Variants in TENM1 observed in about 807,000 individuals in gnomAD.
TENM1 encodes teneurin-1.
Under a neutral mutation model 174.8 loss-of-function variants are expected in TENM1, and 35 were observed. The observed-to-expected ratio is 0.20, with a 90% CI of 0.15 to 0.27. The LOEUF (loss-of-function observed/expected upper bound fraction) is 0.27. TENM1 is among the 10% of genes least tolerant of loss of function. TENM1 has a pLI of 1.00. For missense variants in TENM1, 1,633 were observed against 2,130.1 expected (o/e 0.77, Z 4.59); for synonymous variants, 781 against 798.7 (o/e 0.98, Z 0.37).
At chrX:124,767,724 G>T (rs1300316705) in intron 3 of TENM1, among the ~76,000 whole-genome samples, 1 of 111,119 alleles carries the variant, frequency 9.0e-6, no homozygotes, top group Non-Finnish European at 1.9e-5. Context: ...TAACCAAATT[G>T]CTGACATGAT....
the TENM1 span, among the ~76,000 whole-genome samples, chrX:125,004,781 A>G: frequency 8.9e-6 from 1 of 111,900 alleles, no homozygotes. Flanking sequence ...ATAGTTCTGT[A>G]TATAAAAAGA....
At chrX:124,975,082 A>C in the TENM1 span, among the ~76,000 whole-genome samples, 2 of 107,294 alleles carry the variant, frequency 1.9e-5, no homozygotes, top group Non-Finnish European at 3.8e-5. Context: ...TAATTTGCAA[A>C]TAATATACAG....
chrX:124,861,820 T>C (rs914588833), intron 3 of TENM1, among the ~76,000 whole-genome samples: 2 of 111,993 alleles, frequency 1.8e-5, no homozygotes, highest in African/African-American at 3.3e-5. Context: ...TATTTATTTA[T>C]TTATGGACAT....
At chrX:124,689,429 G>A (rs929818541) in intron 5 of TENM1, among the ~76,000 whole-genome samples, 1 of 111,705 alleles carries the variant, frequency 9.0e-6, no homozygotes, top group Admixed American at 9.5e-5. Flanking sequence ...ATAGAAGATC[G>A]TGTTGCCATT....
the TENM1 span, among the ~76,000 whole-genome samples, chrX:125,050,931 T>C: frequency 1.8e-5 from 2 of 112,132 alleles, no homozygotes; most frequent in African/African-American, 6.5e-5. Context: ...GATGACATGA[T>C]TGTATATTTA....
At chrX:124,589,095 G>GC (rs1556012580) in intron 11 of TENM1, among the ~76,000 whole-genome samples, 4 of 96,960 alleles carry the variant, frequency 4.1e-5, no homozygotes, top group Non-Finnish European at 8.2e-5. Context: ...TTTCTTGAGG[G>GC]TTTTTTTTTT....
chrX:124,571,303 G>T (rs1204074249), intron 11 of TENM1, among the ~76,000 whole-genome samples: 1 of 112,229 alleles, frequency 8.9e-6, no homozygotes, highest in East Asian at 2.8e-4. Context: ...GAGTAACAAT[G>T]AAATACTATT....
chrX:124,601,975 C>T (rs189036629), intron 11 of TENM1, among the ~76,000 whole-genome samples: 2 of 111,347 alleles, frequency 1.8e-5, no homozygotes, highest in East Asian at 5.7e-4. Context: ...ACTTAGTAAA[C>T]TTCTGAAGTG....
intron 7 of TENM1, among the ~76,000 whole-genome samples, chrX:124,653,220 G>A (rs1248974767): frequency 9.0e-6 from 1 of 111,450 alleles, no homozygotes; most frequent in Non-Finnish European, 1.9e-5. Flanking sequence ...ATTAATATGC[G>A]TTCCTTCATT....
intron 25 of TENM1, among the ~76,000 whole-genome samples, chrX:124,410,121 A>C (rs2147700252): frequency 9.0e-6 from 1 of 111,449 alleles, no homozygotes; most frequent in South Asian, 3.8e-4. Context: ...TTCAAACTAT[A>C]CTACAAGGCT....
At chrX:124,425,295 T>C (rs1308682994) in intron 23 of TENM1, among the ~76,000 whole-genome samples, 1 of 112,631 alleles carries the variant, frequency 8.9e-6, no homozygotes, top group African/African-American at 3.2e-5. Flanking sequence ...ATAATGGCTG[T>C]ACTAATTTAC....
chrX:124,859,287 G>A (rs2056867810), intron 3 of TENM1, among the ~76,000 whole-genome samples: 1 of 110,933 alleles, frequency 9.0e-6, no homozygotes, highest in African/African-American at 3.3e-5. Context: ...GCTCAAGCCT[G>A]TAATCCCAGC....
intron 11 of TENM1, among the ~76,000 whole-genome samples, chrX:124,598,268 C>A (rs1331813668): frequency 9.0e-6 from 1 of 111,416 alleles, no homozygotes; most frequent in Non-Finnish European, 1.9e-5. Flanking sequence ...GGAACCCTAG[C>A]ACACTGTTGG....
intron 23 of TENM1, among the ~76,000 whole-genome samples, chrX:124,429,786 G>A (rs1399907108): frequency 8.9e-6 from 1 of 111,797 alleles, no homozygotes. Flanking sequence ...GTGCATTGTA[G>A]GATGTTCAGC....
At chrX:125,148,092 CTG>C in the TENM1 span, among the ~76,000 whole-genome samples, 1 of 111,334 alleles carries the variant, frequency 9.0e-6, no homozygotes, top group Non-Finnish European at 1.9e-5. Flanking sequence ...TCTTTCTCAC[CTG>C]TGTTTTTTAC....
intron 1 of TENM1, among the ~76,000 whole-genome samples, chrX:124,915,376 T>G (rs1466237183): frequency 9.0e-6 from 1 of 111,549 alleles, no homozygotes; most frequent in Non-Finnish European, 1.9e-5. Flanking sequence ...GTTACAAAAA[T>G]TAGCCAGGCA....
the TENM1 span, among the ~76,000 whole-genome samples, chrX:125,155,668 T>C: frequency 6.9e-5 from 1 of 14,437 alleles, no homozygotes; most frequent in Non-Finnish European, 1.2e-4. Context: ...GCAGCACCGG[T>C]GGGCCGGCAC....
the TENM1 span, among the ~76,000 whole-genome samples, chrX:124,989,425 T>A: frequency 9.0e-6 from 1 of 111,462 alleles, no homozygotes; most frequent in East Asian, 2.8e-4. Context: ...TGGTCATGGA[T>A]TGGAATATTC....
At chrX:124,444,000 G>T (rs1282846445) in intron 23 of TENM1, among the ~76,000 whole-genome samples, 1 of 112,128 alleles carries the variant, frequency 8.9e-6, no homozygotes, top group Admixed American at 9.5e-5. Flanking sequence ...TTTTTAAAAA[G>T]CTGGTCATAG....
Sources: gnomAD v4.1 joint callset for allele counts (sites outside exome capture counted in the v4.1 genomes callset) on GRCh38, gnomAD v4.1.1 for gene constraint, MANE v1.5 for transcripts, NCBI Gene and HGNC (gene_info 2026-07-23, HGNC 2026-07-21) for gene names.